Variants in RBBP8 observed in about 807,000 individuals in gnomAD.
RBBP8 encodes the protein RB binding protein 8, endonuclease.
RBBP8 carries 88 observed loss-of-function variants against 108.3 expected under a neutral mutation model. That is an observed-to-expected ratio of 0.81 (90% CI 0.68 to 0.97). The LOEUF (loss-of-function observed/expected upper bound fraction) is 0.97, where lower values mean the gene tolerates loss of function less well. Ranked by LOEUF, RBBP8 falls within the 50% of genes least tolerant of loss-of-function variation. RBBP8 has a pLI of 0.00. For missense variants in RBBP8, 1,023 were observed against 1,049.0 expected (o/e 0.98, Z 0.34); for synonymous variants, 332 against 348.2 (o/e 0.95, Z 0.52).
upstream of RBBP8, among the ~76,000 whole-genome samples, chr18:22,931,588 T>C (rs1910033392): frequency 6.6e-6 from 1 of 152,206 alleles, no homozygotes; most frequent in African/African-American, 2.4e-5. Context: ...AAATACTAAT[T>C]ATGGCTAGCT....
At chr18:22,932,561 C>T (rs1429534300), upstream of RBBP8, among the ~76,000 whole-genome samples, 1 of 152,112 alleles carries the variant, frequency 6.6e-6, no homozygotes, top group East Asian at 1.9e-4. Context: ...ACTTTTAAAG[C>T]CTGTTAATAT....
chr18:22,965,917 C>T (rs1456362189), intron 4 of RBBP8, among the ~76,000 whole-genome samples: 1 of 152,142 alleles, frequency 6.6e-6, no homozygotes, highest in African/African-American at 2.4e-5. Context: ...GGCTGCTGAG[C>T]ACTTGTCTGC....
chr18:22,955,454 G>A (rs1912435221), intron 4 of RBBP8, among the ~76,000 whole-genome samples: 1 of 152,074 alleles, frequency 6.6e-6, no homozygotes, highest in Non-Finnish European at 1.5e-5. Flanking sequence ...GGCATCCAGC[G>A]CTAAATCTTT....
rs747369922 is a variant in RBBP8 at position 23,001,656 on chromosome 18, C to G, written c.2214C>G (p.Ser738=). The G allele has an allele frequency of 6.2e-7, 1 of 1,614,072 alleles. No homozygotes were observed. The highest frequency in any genetic ancestry group is 1.7e-5 in the Admixed American group (1 of 60,018). ...FDRTTHEEYE[S]CLADSFSQAA... ...GGACAACACATGAAGAGTATGAATC[C>G]TGTTTGGCAGACAGTTTCTCCCAAG... The change falls in exon 15 of 19, where the codon TCC becomes TCG. Residue 738 remains serine (S), a synonymous_variant. Coordinates refer to ENST00000327155, the MANE Select transcript of RBBP8 (RefSeq NM_002894.3).
chr18:22,929,363 A>AT (rs200340018), upstream of RBBP8: 55 of 146,394 alleles, frequency 3.8e-4, no homozygotes, highest in East Asian at 1.4e-3. Context: ...TGGATAACAG[A>AT]TTTTTTTTTT....
chr18:22,930,120 C>T (rs1321392611), upstream of RBBP8, among the ~76,000 whole-genome samples: 2 of 152,130 alleles, frequency 1.3e-5, no homozygotes, highest in Non-Finnish European at 2.9e-5. Flanking sequence ...TTTAAGAATC[C>T]TAGAGTCTGT....
At chr18:22,963,091 T>G (rs1405861836) in intron 4 of RBBP8, among the ~76,000 whole-genome samples, 1 of 152,020 alleles carries the variant, frequency 6.6e-6, no homozygotes, top group South Asian at 2.1e-4. Flanking sequence ...ATAATTAAGT[T>G]CTCCTTCTTT....
chr18:22,927,315 A>G (rs1909825601), intron 3 of RBBP8, among the ~76,000 whole-genome samples: 1 of 152,186 alleles, frequency 6.6e-6, no homozygotes, highest in Non-Finnish European at 1.5e-5. Flanking sequence ...CAGGCACTTA[A>G]TGCTGGGTGG....
At chr18:22,970,930 TACAC>T (rs1914027624) in intron 5 of RBBP8, among the ~76,000 whole-genome samples, 4 of 152,330 alleles carry the variant, frequency 2.6e-5, no homozygotes, top group Admixed American at 2.6e-4. Context: ...AATATAAAAA[TACAC>T]ACACGTAAAT....
chr18:22,930,144 A>G (rs1909967811), upstream of RBBP8, among the ~76,000 whole-genome samples: 1 of 152,214 alleles, frequency 6.6e-6, no homozygotes, highest in African/African-American at 2.4e-5. Context: ...GCTATCACAC[A>G]ATTTATTTTA....
At chr18:22,926,562 T>C (rs1204889539) in intron 3 of RBBP8, among the ~76,000 whole-genome samples, 1 of 152,232 alleles carries the variant, frequency 6.6e-6, no homozygotes, top group African/African-American at 2.4e-5. Flanking sequence ...AAGAGATAGT[T>C]CCTAAATCGG....
At chr18:22,936,206 A>G (rs1372850855) in intron 1 of RBBP8, among the ~76,000 whole-genome samples, 2 of 152,030 alleles carry the variant, frequency 1.3e-5, no homozygotes, top group African/African-American at 4.8e-5. Context: ...GTTTCAGGCA[A>G]TTCTCCTGCC....
intron 3 of RBBP8, among the ~76,000 whole-genome samples, chr18:22,925,042 G>A (rs898290319): frequency 6.6e-6 from 1 of 151,890 alleles, no homozygotes; most frequent in Non-Finnish European, 1.5e-5. Flanking sequence ...ACTGAACCCA[G>A]CTAGATTTAT....
upstream of RBBP8, chr18:22,933,237 C>G (rs553367260): frequency 6.6e-6 from 1 of 152,350 alleles, no homozygotes; most frequent in East Asian, 1.9e-4. Flanking sequence ...CGGGATGGGC[C>G]GCACCGAAGA....
chr18:22,937,900 A>G (rs1910716270), intron 2 of RBBP8, among the ~76,000 whole-genome samples: 1 of 151,738 alleles, frequency 6.6e-6, no homozygotes, highest in African/African-American at 2.4e-5. Context: ...GTCACAGCTC[A>G]CTGCAGCTTT....
intron 5 of RBBP8, among the ~76,000 whole-genome samples, chr18:22,972,379 A>G (rs1414830736): frequency 2.7e-5 from 4 of 149,884 alleles, no homozygotes; most frequent in Admixed American, 1.3e-4. Context: ...AAAAAAATCA[A>G]AGAATTAGCT....
At chr18:22,959,870 C>CTT (rs35259762) in intron 4 of RBBP8, among the ~76,000 whole-genome samples, 33,908 of 86,724 alleles carry the variant, frequency 0.39, 7,482 homozygotes, top group Non-Finnish European at 0.54. Context: ...GATGAACTTT[C>CTT]TTTTTTTTTT....
chr18:23,022,649 A>ATAAC (rs2046379104), intron 18 of RBBP8, among the ~76,000 whole-genome samples: 1 of 33,382 alleles, frequency 3.0e-5, no homozygotes, highest in African/African-American at 7.6e-5. Context: ...AATAAAATAC[A>ATAAC]ATATAAAATA....
intron 3 of RBBP8, among the ~76,000 whole-genome samples, chr18:22,917,251 CTG>C (rs912301798): frequency 3.3e-5 from 5 of 152,102 alleles, no homozygotes; most frequent in Middle Eastern, 3.2e-3. Flanking sequence ...CAAGTGGACT[CTG>C]AAAAAAATCG....
Sources: gnomAD v4.1 joint callset for allele counts (sites outside exome capture counted in the v4.1 genomes callset) on GRCh38, gnomAD v4.1.1 for gene constraint, MANE v1.5 for transcripts, NCBI Gene and HGNC (gene_info 2026-07-23, HGNC 2026-07-21) for gene names.